TM6SF1: variants seen among roughly 807,000 people sequenced by gnomAD.
TM6SF1 encodes the protein transmembrane 6 superfamily member 1.
Under a neutral mutation model 47.1 loss-of-function variants are expected in TM6SF1, and 43 were observed. That is an observed-to-expected ratio of 0.91 (90% CI 0.72 to 1.18). The LOEUF (loss-of-function observed/expected upper bound fraction) is 1.18, where lower values mean the gene tolerates loss of function less well. Ranked by LOEUF, TM6SF1 falls within the 50% of genes most tolerant of loss-of-function variation. The pLI, the probability that TM6SF1 is intolerant of heterozygous loss-of-function variation, is 0.00. For missense variants in TM6SF1, 390 were observed against 449.0 expected (o/e 0.87, Z 1.19); for synonymous variants, 177 against 166.3 (o/e 1.06, Z -0.49).
At chr15:83,124,985 A>G (rs1313461912) in intron 7 of TM6SF1, among the ~76,000 whole-genome samples, 3 of 152,164 alleles carry the variant, frequency 2.0e-5, no homozygotes, top group African/African-American at 7.2e-5. Context: ...TCCTTAGATC[A>G]AGCTCTACTC....
intron 1 of TM6SF1, among the ~76,000 whole-genome samples, chr15:83,109,351 C>T (rs2033941285): frequency 6.6e-6 from 1 of 152,124 alleles, no homozygotes; most frequent in African/African-American, 2.4e-5. Flanking sequence ...GGTTGCATGG[C>T]AGCAGAGGAT....
At chr15:83,122,948 G>T in intron 6 of TM6SF1, 70 bp downstream of exon 6, 1 of 1,569,974 alleles carries the variant, frequency 6.4e-7, no homozygotes, top group East Asian at 2.2e-5. Context: ...ACTGGCCACT[G>T]AATTGAACCA....
At position 83,112,860 on chromosome 15, in the gene TM6SF1, C is replaced by T. The variant is rs1335686573; in HGVS notation, c.156C>T (p.Val52=). The change falls in exon 2 of 10, where the codon GTC becomes GTT. Residue 52 remains valine, a synonymous_variant. Coordinates refer to ENST00000322019, the MANE Select transcript of TM6SF1 (RefSeq NM_023003.5). ...TCCTGGTAGCACTGCTGGCTCGTGT[C>T]CTCGTCAAAAGAAAACCACCCCGGG... ...ILFLVALLAR[V]LVKRKPPRDP... The T allele has an allele frequency of 6.2e-7, 1 of 1,614,130 alleles. No homozygotes were observed. The highest frequency in any genetic ancestry group is 1.7e-5 in the Admixed American group (1 of 60,014).
intron 1 of TM6SF1, among the ~76,000 whole-genome samples, chr15:83,109,295 C>T (rs903434306): frequency 9.9e-5 from 15 of 151,816 alleles, no homozygotes; most frequent in Non-Finnish European, 7.4e-5. Context: ...ATTGGATGGG[C>T]GTAGTAGGTA....
At position 83,126,634 on chromosome 15, in the gene TM6SF1, T is replaced by C. The variant is rs142955611; in HGVS notation, c.709-121T>C. 519 of 739,974 alleles carry C rather than the reference T, an allele frequency of 7.0e-4. 2 individuals carry two copies. The African/African-American group carries it at 8.4e-3, about 12-fold the overall frequency. 45.8% of individuals were successfully genotyped at this position (739,974 alleles called of 1,614,324 possible). On this transcript the variant is annotated intron_variant, in intron 7 of 9. Coordinates refer to ENST00000322019, the MANE Select transcript of TM6SF1 (RefSeq NM_023003.5). ...TTCCATCATTGATGAGCCTCTACAA[T>C]GCATACGTTTTGTTAAACAGCAAAG...
Position 83,119,688 on chromosome 15 carries a change from CA to C in TM6SF1, c.398+8del. The C allele has an allele frequency of 6.2e-7, 1 of 1,614,060 alleles. No homozygotes were observed. Among genetic ancestry groups the C allele is most frequent in the Non-Finnish European group, 8.5e-7 (1 of 1,179,990 alleles). On this transcript the variant is annotated splice_region_variant and intron_variant, in intron 4 of 9. Coordinates refer to ENST00000322019, the MANE Select transcript of TM6SF1 (RefSeq NM_023003.5). The stretch of plus-strand genomic sequence containing the variant: ...TGGCAGCCATAGCATGGGAGTAAGT[CA>C]GTTCACCTGGTGTGTGCCTTTGCCA...
In TM6SF1 at chr15:83,124,754, G is replaced by C; in HGVS notation, c.686G>C (p.Gly229Ala). 6.2e-7 allele frequency: 1 copy of C among 1,614,024 alleles called. No individual in the cohort carries two copies. The highest frequency in any genetic ancestry group is 8.5e-7 in the Non-Finnish European group (1 of 1,179,934). The change falls in exon 7 of 10, where the codon GGA (glycine) becomes GCA (alanine). Residue 229 changes from glycine (G) to alanine (A), a missense_variant. Gly to Ala is a moderately conservative substitution (Grantham distance 60). Transcript: ENST00000322019. The stretch of plus-strand genomic sequence containing the variant: ...GTTGTGTGTCTCCTCCTGGCAACTG[G>C]ATTTTGCCTGTTCAGAGGTTTGGTA... The part of the protein sequence containing the change: ...MLVVCLLLAT[G>A]FCLFRGLIAL...
In TM6SF1 at chr15:83,136,665, T is replaced by A; in HGVS notation, c.1106T>A (p.Val369Glu). ...FFIKTKAEEK[V>E]E is the part of the protein sequence containing the mutation. ...ATAAAAACAAAGGCAGAAGAAAAAG[T>A]GGAATAAAAATATTACTTCATGTTC... Residue 369 changes from valine (V) to glutamate (E), a missense_variant, in exon 10 of 10, where the codon GTG (valine) becomes GAG (glutamate). Transcript: ENST00000322019. 3.1e-6 allele frequency: 5 copies of A among 1,592,838 alleles called. No individual in the cohort carries two copies. The highest frequency in any genetic ancestry group is 4.3e-6 in the Non-Finnish European group (5 of 1,174,474).
chr15:83,121,804 T>G (rs1389854705), intron 4 of TM6SF1, 117 bp from the exon 5 acceptor site: 6 of 745,352 alleles, frequency 8.0e-6, no homozygotes, highest in Non-Finnish European at 9.0e-6. Context: ...CAATTCAATA[T>G]GTTTTGATTG....
chr15:83,121,006 T>C (rs2035186548), intron 4 of TM6SF1, among the ~76,000 whole-genome samples: 3 of 152,158 alleles, frequency 2.0e-5, no homozygotes, highest in Admixed American at 1.3e-4. Context: ...AGAATTTCCT[T>C]TTGAATTTCT....
intron 4 of TM6SF1, among the ~76,000 whole-genome samples, chr15:83,120,524 A>C (rs1451475531): frequency 6.6e-6 from 1 of 151,618 alleles, no homozygotes; most frequent in Non-Finnish European, 1.5e-5. Context: ...CAAGGTTGAA[A>C]TGTAGTTTAC....
chr15:83,109,093 G>T (rs2033920481), intron 1 of TM6SF1, among the ~76,000 whole-genome samples: 1 of 152,236 alleles, frequency 6.6e-6, no homozygotes, highest in Admixed American at 6.5e-5. Context: ...GGCTGTGGAG[G>T]CAGGTAATGA....
intron 7 of TM6SF1, 89 bp from the exon 8 acceptor site, chr15:83,126,666 G>C: frequency 9.9e-7 from 1 of 1,012,768 alleles, no homozygotes. Flanking sequence ...AAAGCAGCTT[G>C]TGACTAAACC....
intron 3 of TM6SF1, among the ~76,000 whole-genome samples, 190 bp downstream of exon 3, chr15:83,116,132 C>T (rs547391495): frequency 5.9e-5 from 9 of 152,348 alleles, no homozygotes; most frequent in Non-Finnish European, 1.3e-4. Flanking sequence ...TCACGAGAGG[C>T]AATTCTCTCC....
chr15:83,128,162 T>A (rs1247845065), intron 9 of TM6SF1: 4 of 152,266 alleles, frequency 2.6e-5, no homozygotes, highest in African/African-American at 9.7e-5. Flanking sequence ...AAACATTAGC[T>A]TCATCTTGTT....
intron 7 of TM6SF1, among the ~76,000 whole-genome samples, chr15:83,125,205 A>G (rs940270871): frequency 6.6e-6 from 1 of 152,084 alleles, no homozygotes; most frequent in African/African-American, 2.4e-5. Context: ...TCAACAATTC[A>G]CGTGTATGTA....
chr15:83,115,808 G>A (rs764730404), intron 2 of TM6SF1, 37 bp from the exon 3 acceptor site: 11 of 1,367,320 alleles, frequency 8.0e-6, no homozygotes, highest in Non-Finnish European at 1.2e-5. Context: ...TGTCTCCTGA[G>A]CTATTGCTTT....
chr15:83,127,727 A>AT (rs1289231530), intron 9 of TM6SF1: 2 of 372,802 alleles, frequency 5.4e-6, no homozygotes, highest in Non-Finnish European at 9.7e-6. Flanking sequence ...AAGTTAAATG[A>AT]TTTGCCCAAG....
At chr15:83,131,788 G>A in intron 9 of TM6SF1, 1 of 152,188 alleles carries the variant, frequency 6.6e-6, no homozygotes, top group East Asian at 1.9e-4. Flanking sequence ...AGACCAAAGA[G>A]TTCCACTGGG....
Sources: gnomAD v4.1 joint callset for allele counts (sites outside exome capture counted in the v4.1 genomes callset) on GRCh38, gnomAD v4.1.1 for gene constraint, MANE v1.5 for transcripts, NCBI Gene and HGNC (gene_info 2026-07-23, HGNC 2026-07-21) for gene names.